The following CRX variants were observed in gnomAD, a reference collection of about 807,000 sequenced individuals.
The protein encoded by CRX is cone-rod homeobox protein.
A neutral mutation model predicts 13.1 loss-of-function variants in CRX; 5 were observed. The ratio of observed to expected loss-of-function variants is 0.38; its 90% CI spans 0.20 to 0.80. The LOEUF (loss-of-function observed/expected upper bound fraction) is 0.80, where lower values mean the gene tolerates loss of function less well. Ranked by LOEUF, CRX falls within the 30% of genes least tolerant of loss-of-function variation. The pLI, the probability that CRX is intolerant of heterozygous loss-of-function variation, is 0.43. For missense variants in CRX, 351 were observed against 391.8 expected (o/e 0.90, Z 0.88); for synonymous variants, 179 against 171.1 (o/e 1.05, Z -0.36).
Position 47,839,375 on chromosome 19 carries a change from A to G in CRX, c.308A>G (p.Gln103Arg), listed in dbSNP as rs780853289. The G allele has an allele frequency of 6.2e-7, 1 of 1,613,466 alleles. No homozygotes were observed. The highest frequency in any genetic ancestry group is 8.5e-7 in the Non-Finnish European group (1 of 1,179,762). ...AGGCAGCAGCGACAGCAGCAGAAAC[A>G]GCAGCAGCAGCCCCCAGGGGGCCAG... ...KCRQQRQQQK[Q>R]QQQPPGGQAK... Residue 103 changes from glutamine to arginine, a missense_variant, in exon 4 of 4, where the codon CAG (glutamine) becomes CGG (arginine). This residue lies in a region of CRX where 253 missense variants were observed against 268.3 expected (regional missense o/e 0.94). Transcript: ENST00000221996. The surrounding 1 kb of genome is among the most constrained non-coding windows in gnomAD (Gnocchi z 4.6).
At position 47,841,712 on chromosome 19, in the gene CRX, A is replaced by T. The variant is rs2123745320; in HGVS notation, c.*1745A>T. The T allele has an allele frequency of 6.6e-6, 1 of 151,666 alleles. No homozygotes were observed. Among genetic ancestry groups the T allele is most frequent in the South Asian group, 2.1e-4 (1 of 4,810 alleles). The allele number at this position is 151,666 out of a possible 1,614,324, so 9.4% of individuals were successfully genotyped here. On this transcript the variant is annotated 3_prime_UTR_variant, in exon 4 of 4. Transcript: ENST00000221996. ...ATGGTGACACTGGCAAGCACTTGTG[A>T]GAACCTGAAGACGGATTGAGGTCAT...
rs145635113 is a variant in CRX at position 47,837,121 on chromosome 19, G to A, written c.252+727G>A. 3.1e-3 allele frequency among the ~76,000 whole-genome samples: 472 copies of A among 152,308 alleles called. 2 individuals carry two copies. Among genetic ancestry groups the A allele is most frequent in the Non-Finnish European group, 3.7e-3 (253 of 68,034 alleles). On this transcript the variant is annotated intron_variant, in intron 3 of 3. Transcript: ENST00000221996. Reference sequence around the variant, plus strand: ...TGCATGCATGATATATGTATACGTGGTGTATGTGCACATGTATGTATACAT... The same window carrying A: ...TGCATGCATGATATATGTATACGTGATGTATGTGCACATGTATGTATACAT...
chr19:47,834,315 G>A, intron 1 of CRX, 94 bp from the exon 2 acceptor site: 1 of 761,508 alleles, frequency 1.3e-6, no homozygotes, highest in Non-Finnish European at 2.4e-6. Context: ...ACATACCTAA[G>A]AGGAGAAGGA....
rs1245043456 is a variant in CRX, at chr19:47,840,035, A to G, written c.*68A>G. On this transcript the variant is annotated 3_prime_UTR_variant, in exon 4 of 4. Coordinates refer to ENST00000221996, the MANE Select transcript of CRX (RefSeq NM_000554.6). Reference sequence around the variant, plus strand: ...TTCTCTTCTGAATCTGCTTCCCTGCAGTTTAGATCCCGGGATGGCATTCCT... The same window carrying G: ...TTCTCTTCTGAATCTGCTTCCCTGCGGTTTAGATCCCGGGATGGCATTCCT... 1.5e-5 allele frequency: 23 copies of G among 1,583,152 alleles called. No individual in the cohort carries two copies. Among genetic ancestry groups the G allele is most frequent in the Non-Finnish European group, 1.5e-5 (18 of 1,163,824 alleles).
chr19:47,833,338 G>A (rs969400203), intron 1 of CRX, among the ~76,000 whole-genome samples: 1 of 151,596 alleles, frequency 6.6e-6, no homozygotes, highest in Non-Finnish European at 1.5e-5. Context: ...CTGGAGTGCG[G>A]TGGTGCGATC....
intron 1 of CRX, among the ~76,000 whole-genome samples, chr19:47,831,591 G>A (rs4439872): frequency 0.5 from 75,375 of 151,698 alleles, 19,359 homozygotes; most frequent in Middle Eastern, 0.63. Flanking sequence ...TATCTTCTAC[G>A]AAACCAGTTT....
chr19:47,836,217 G>A (rs1449894093), intron 2 of CRX, 26 bp from the exon 3 acceptor site: 1 of 1,613,870 alleles, frequency 6.2e-7, no homozygotes, highest in Non-Finnish European at 8.5e-7. Context: ...GATGACCTGA[G>A]GGTCCTGTTT....
At chr19:47,827,458 T>C (rs1967987149) in intron 1 of CRX, among the ~76,000 whole-genome samples, 1 of 150,744 alleles carries the variant, frequency 6.6e-6, no homozygotes. Flanking sequence ...AATTCCTAGA[T>C]GCCTCACCCA....
At chr19:47,827,081 G>T (rs184903880) in intron 1 of CRX, among the ~76,000 whole-genome samples, 33 of 152,300 alleles carry the variant, frequency 2.2e-4, no homozygotes, top group Admixed American at 1.3e-3. Flanking sequence ...TATCCTGTTG[G>T]TTACACACGT....
At chr19:47,829,196 A>G (rs1968014155) in intron 1 of CRX, among the ~76,000 whole-genome samples, 2 of 151,814 alleles carry the variant, frequency 1.3e-5, no homozygotes, top group Non-Finnish European at 2.9e-5. Flanking sequence ...GCTCACTGCA[A>G]CCTCCACCTC....
intron 3 of CRX, among the ~76,000 whole-genome samples, chr19:47,837,537 T>G (rs1968132431): frequency 6.6e-6 from 1 of 152,202 alleles, no homozygotes. Flanking sequence ...AAAATGTGTG[T>G]GTTAGTATGA....
At chr19:47,832,681 T>C (rs1375544411) in intron 1 of CRX, among the ~76,000 whole-genome samples, 1 of 151,906 alleles carries the variant, frequency 6.6e-6, no homozygotes, top group Non-Finnish European at 1.5e-5. Flanking sequence ...AGACGGGGTT[T>C]CACCATGTTG....
In CRX at chr19:47,839,959, A is replaced by G. The variant is rs2123743765; in HGVS notation, c.892A>G (p.Ile298Val). ...YKDQSAWKFQ[I>V]L ...GGATCAGAGTGCCTGGAAGTTTCAG[A>G]TCTTGTAGAGGACGCAGTCTCCATC... The change falls in exon 4 of 4, where the codon ATC (isoleucine) becomes GTC (valine). Residue 298 changes from isoleucine (I) to valine (V), a missense_variant. This residue lies in a region of CRX where 253 missense variants were observed against 268.3 expected (regional missense o/e 0.94). Coordinates refer to ENST00000221996, the MANE Select transcript of CRX (RefSeq NM_000554.6). The surrounding 1 kb of genome is among the most constrained non-coding windows in gnomAD (Gnocchi z 4.6). The G allele has an allele frequency of 6.2e-7, 1 of 1,613,438 alleles. No individual in the cohort carries two copies. The highest frequency in any genetic ancestry group is 8.5e-7 in the Non-Finnish European group (1 of 1,179,948).
At chr19:47,837,206 G>A (rs575430543) in intron 3 of CRX, among the ~76,000 whole-genome samples, 240 of 152,248 alleles carry the variant, frequency 1.6e-3, no homozygotes, top group African/African-American at 5.5e-3. Context: ...TCGCTCTGTC[G>A]CCCAGGCTGG....
rs73941285 is a variant in CRX at position 47,824,410 on chromosome 19, C to A, written c.-36+2400C>A. ...CAGCTCTGGCTCTGCCGCTGACGTGCGAGACAGAACTGGAGACTACACTTC... is the reference window on the plus strand; with the variant it reads ...CAGCTCTGGCTCTGCCGCTGACGTGAGAGACAGAACTGGAGACTACACTTC... On this transcript the variant is annotated intron_variant, in intron 1 of 3. Transcript: ENST00000221996. Among the ~76,000 whole-genome samples, 1,029 of 152,182 alleles carry A rather than the reference C, an allele frequency of 6.8e-3. 12 individuals carry two copies. The highest frequency in any genetic ancestry group is 0.023 in the African/African-American group (960 of 41,520).
intron 1 of CRX, among the ~76,000 whole-genome samples, chr19:47,823,043 G>A (rs74346818): frequency 1.3e-5 from 2 of 151,994 alleles, no homozygotes; most frequent in African/African-American, 2.4e-5. Flanking sequence ...TGATCAGCCC[G>A]CCTGAGCCTC....
In CRX at chr19:47,839,128, A is replaced by G. The variant is rs548031619; in HGVS notation, c.253-192A>G. ...ATGGGTATGATGTATGCATGTGTTC[A>G]TGCACACATGCAGGTATGATTGGAT... On this transcript the variant is annotated intron_variant, in intron 3 of 3. Transcript: ENST00000221996. The surrounding 1 kb of genome is among the most constrained non-coding windows in gnomAD (Gnocchi z 4.6). 2.1e-3 allele frequency among the ~76,000 whole-genome samples: 313 copies of G among 152,178 alleles called. No homozygotes were observed. Among genetic ancestry groups the G allele is most frequent in the Non-Finnish European group, 3.7e-3 (251 of 67,978 alleles).
At chr19:47,829,214 C>T (rs1396550539) in intron 1 of CRX, among the ~76,000 whole-genome samples, 1 of 152,152 alleles carries the variant, frequency 6.6e-6, no homozygotes, top group Non-Finnish European at 1.5e-5. Flanking sequence ...CTCCCAGGTT[C>T]CAGAGGGTCT....
In CRX at chr19:47,840,014, C is replaced by G. The variant is rs534975253; in HGVS notation, c.*47C>G. On this transcript the variant is annotated 3_prime_UTR_variant, in exon 4 of 4. Transcript: ENST00000221996. Reference sequence around the variant, plus strand: ...TCCATCGGGCCTCGGGACCCTTTCTCTTCTGAATCTGCTTCCCTGCAGTTT... The same window carrying G: ...TCCATCGGGCCTCGGGACCCTTTCTGTTCTGAATCTGCTTCCCTGCAGTTT... 1.8e-5 allele frequency: 29 copies of G among 1,602,464 alleles called. No homozygotes were observed. In the Admixed American group the frequency reaches 4.3e-4, roughly 24 times the overall value.
Sources: gnomAD v4.1 joint callset for allele counts (sites outside exome capture counted in the v4.1 genomes callset) on GRCh38, gnomAD v4.1.1 for gene constraint, gnomAD v4.1.1 regional missense constraint, Gnocchi (gnomAD v3.1) non-coding constraint, MANE v1.5 for transcripts, NCBI Gene and HGNC (gene_info 2026-07-23, HGNC 2026-07-21) for gene names.